Variants in DNAH17 observed in about 807,000 individuals in gnomAD.
DNAH17 encodes the protein axonemal beta dynein heavy chain 17.
Under a neutral mutation model 485.6 loss-of-function variants are expected in DNAH17, and 376 were observed. The observed-to-expected ratio is 0.77, with a 90% CI of 0.71 to 0.84. DNAH17 has a LOEUF of 0.84. Among genes scored for constraint, DNAH17 ranks in the 40% least tolerant of loss-of-function variants. The probability of loss-of-function intolerance (pLI) is 0.00; values close to 1 mark genes in which losing one functional copy is unlikely to be tolerated. For synonymous variants in DNAH17, 3,031 were observed against 2,405.9 expected, an observed-to-expected ratio of 1.26 and a Z score of -7.60; for missense variants, 6,370 against 5,839.3, an observed-to-expected ratio of 1.09 and a Z score of -2.96.
chr17:78,501,648 A>G (rs996905188), intron 34 of DNAH17, 94 bp downstream of exon 34: 7 of 1,498,192 alleles, frequency 4.7e-6, no homozygotes, highest in Middle Eastern at 2.1e-4. Context: ...CCCCAGGAAG[A>G]GGAAGTGGCA....
intron 13 of DNAH17, 21 bp downstream of exon 13, chr17:78,560,719 G>A (rs765312248): frequency 1.3e-6 from 2 of 1,535,850 alleles, no homozygotes; most frequent in Non-Finnish European, 1.8e-6. Context: ...CTTTGACGCG[G>A]TCCCCACTCC....
In DNAH17 at chr17:78,505,335, G is replaced by A. The variant is rs776512644; in HGVS notation, c.4914C>T (p.Asp1638=). The change falls in exon 31 of 81, where the codon GAC becomes GAT. Residue 1638 remains aspartate (D), a synonymous_variant. Transcript: ENST00000389840. ...ATTCCTGATCAAAAACCATGTACTC[G>A]TCCTCCTTGCTGTACATTCCCAGGC... The part of the protein sequence containing the change: ...KVGLGMYSKE[D]EYMVFDQECD... 22 of 1,613,838 alleles carry A rather than the reference G, an allele frequency of 1.4e-5. No individual in the cohort carries two copies. In the East Asian group the frequency reaches 1.8e-4, roughly 13 times the overall value.
chr17:78,476,679 G>A lies in DNAH17; in HGVS notation c.8047C>T (p.Leu2683Phe). 1 of 1,613,106 alleles carries A rather than the reference G, an allele frequency of 6.2e-7. No homozygotes were observed. Among genetic ancestry groups the A allele is most frequent in the Non-Finnish European group, 8.5e-7 (1 of 1,179,536 alleles). Residue 2683 changes from leucine (L) to phenylalanine (F), a missense_variant, in exon 52 of 81, where the codon CTT becomes TTT. Physicochemically the swap from Leu to Phe is conservative, Grantham distance 22. Coordinates refer to ENST00000389840, the MANE Select transcript of DNAH17 (RefSeq NM_173628.4). ...VLKTPLDLVR[L>F]WLHETERVYG... is the part of the protein sequence containing the mutation. ...ACTCGTTCAGTCTCATGTAGCCAAAGGCGGACGAGGTCCAGTGGGGTTTTC... is the reference window on the plus strand; with the variant it reads ...ACTCGTTCAGTCTCATGTAGCCAAAAGCGGACGAGGTCCAGTGGGGTTTTC...
intron 17 of DNAH17, chr17:78,543,655 C>T (rs1466579337): frequency 1.1e-5 from 8 of 730,946 alleles, no homozygotes; most frequent in South Asian, 6.5e-5. Flanking sequence ...GATCTCCTGA[C>T]ATTAGGTGAT....
chr17:78,501,727 C>T lies in DNAH17; in HGVS notation c.5322+15G>A, dbSNP rs552756881. ...CTTGCCCTTCCCCTGGCCCCTGGGA[C>T]AGGGGCGCTCATGCCTTGGCCACGA... is the stretch of plus-strand genomic sequence containing the variant. On this transcript the variant is annotated intron_variant, in intron 34 of 80. Coordinates refer to ENST00000389840, the MANE Select transcript of DNAH17 (RefSeq NM_173628.4). 16 of 1,610,826 alleles carry T rather than the reference C, an allele frequency of 9.9e-6. No individual in the cohort carries two copies. The Admixed American group carries it at 2.5e-4, about 25-fold the overall frequency.
chr17:78,474,913 G>C (rs74001355), intron 54 of DNAH17, among the ~76,000 whole-genome samples: 28,998 of 125,054 alleles, frequency 0.23, 4,144 homozygotes, highest in African/African-American at 0.47. Flanking sequence ...GGTTTCACAC[G>C]CTTCACCTCA....
Position 78,574,909 on chromosome 17 carries a change from T to C in DNAH17, c.149A>G (p.Gln50Arg). Residue 50 changes from glutamine to arginine, a missense_variant, in exon 2 of 81, where the codon CAG becomes CGG. Coordinates refer to ENST00000389840, the MANE Select transcript of DNAH17 (RefSeq NM_173628.4). Reference sequence around the variant, plus strand: ...TGCATTGAGCGTCAGCACCAGCACCTGGACGTCGGGCTTTTCAAAGAACTC... The same window carrying C: ...TGCATTGAGCGTCAGCACCAGCACCCGGACGTCGGGCTTTTCAAAGAACTC... ...FTEFFEKPDVQVLVLTLNAAG... is the reference protein window; with the variant it reads ...FTEFFEKPDVRVLVLTLNAAG... 1 of 1,614,018 alleles carries C rather than the reference T, an allele frequency of 6.2e-7. No individual in the cohort carries two copies. Among genetic ancestry groups the C allele is most frequent in the Non-Finnish European group, 8.5e-7 (1 of 1,179,884 alleles).
intron 13 of DNAH17, 67 bp from the exon 14 acceptor site, chr17:78,558,321 C>T (rs2092073036): frequency 1.9e-6 from 3 of 1,550,682 alleles, no homozygotes; most frequent in Non-Finnish European, 1.7e-6. Context: ...GTTCAAGCAA[C>T]AGAAATGAGC....
rs543037503 is a variant in DNAH17, at chr17:78,456,786, T to G, written c.9978-950A>C. Among the ~76,000 whole-genome samples, 33 of 152,308 alleles carry G rather than the reference T, an allele frequency of 2.2e-4. No homozygotes were observed. The East Asian group carries it at 5.8e-3, about 27-fold the overall frequency. Reference sequence around the variant, plus strand: ...CTAGAGACCATTTCGATTTGGCAGGTGAGGTTAAATCCCTCATACCCGGGG... The same window carrying G: ...CTAGAGACCATTTCGATTTGGCAGGGGAGGTTAAATCCCTCATACCCGGGG... On this transcript the variant is annotated intron_variant, in intron 62 of 80. Transcript: ENST00000389840.
chr17:78,486,965 T>C (rs1411283005), intron 44 of DNAH17, among the ~76,000 whole-genome samples: 1 of 148,436 alleles, frequency 6.7e-6, no homozygotes, highest in Non-Finnish European at 1.5e-5. Context: ...AATCCAGCCA[T>C]GCCTGAAGCA....
At chr17:78,478,194 A>G (rs924030983) in intron 51 of DNAH17, among the ~76,000 whole-genome samples, 4 of 114,336 alleles carry the variant, frequency 3.5e-5, no homozygotes, top group Non-Finnish European at 7.2e-5. Context: ...CATTATCACC[A>G]TCATATCACC....
rs1243723581 is a variant in DNAH17 at position 78,494,829 on chromosome 17, AGTGGGCACAG to A, written c.6043-19_6043-10del. 1.3e-6 allele frequency: 2 copies of A among 1,595,658 alleles called. No homozygotes were observed. The highest frequency in any genetic ancestry group is 3.4e-5 in the Admixed American group (2 of 58,732). ...CCCCAGTCGTAATGATCCTGCGGGC[AGTGGGCACAG>A]GTGGGCAGACGTGAGCTCACCTTCC... On this transcript the variant is annotated splice_polypyrimidine_tract_variant and intron_variant, in intron 39 of 80. Coordinates refer to ENST00000389840, the MANE Select transcript of DNAH17 (RefSeq NM_173628.4).
intron 68 of DNAH17, 39 bp from the exon 69 acceptor site, chr17:78,449,623 G>A (rs1401574401): frequency 9.6e-6 from 15 of 1,562,032 alleles, no homozygotes; most frequent in African/African-American, 1.4e-5. Flanking sequence ...GGCGTGCAGA[G>A]ATGGAGCCCT....
intron 55 of DNAH17, among the ~76,000 whole-genome samples, chr17:78,467,694 G>T (rs1459502101): frequency 3.3e-5 from 5 of 152,136 alleles, no homozygotes; most frequent in African/African-American, 1.2e-4. Flanking sequence ...AGGTCCAAGG[G>T]GTTCTCTGTC....
chr17:78,487,119 G>C (rs897120041), intron 44 of DNAH17, among the ~76,000 whole-genome samples: 4 of 152,060 alleles, frequency 2.6e-5, no homozygotes, highest in African/African-American at 9.7e-5. Flanking sequence ...GACATCTCTG[G>C]GTGGCTCGTG....
intron 65 of DNAH17, among the ~76,000 whole-genome samples, chr17:78,452,559 G>C (rs2087599742): frequency 6.6e-6 from 1 of 152,164 alleles, no homozygotes; most frequent in Non-Finnish European, 1.5e-5. Flanking sequence ...CCAACATGGG[G>C]AAACCCCGTC....
At chr17:78,488,887 G>A (rs1282214183) in intron 44 of DNAH17, among the ~76,000 whole-genome samples, 2 of 152,078 alleles carry the variant, frequency 1.3e-5, no homozygotes, top group Non-Finnish European at 2.9e-5. Context: ...AAGGACCGCC[G>A]AGAGCCCCCA....
intron 69 of DNAH17, 82 bp from the exon 70 acceptor site, chr17:78,445,762 G>C (rs543913428): frequency 6.7e-7 from 1 of 1,489,698 alleles, no homozygotes; most frequent in East Asian, 2.5e-5. Context: ...GACTCGAAGA[G>C]GAGTTCACAC....
intron 11 of DNAH17, among the ~76,000 whole-genome samples, chr17:78,562,344 G>A (rs562836296): frequency 6.6e-6 from 1 of 152,312 alleles, no homozygotes; most frequent in South Asian, 2.1e-4. Flanking sequence ...AACACTTTGA[G>A]GGGCCGAGGC....
Sources: gnomAD v4.1 joint callset for allele counts (sites outside exome capture counted in the v4.1 genomes callset) on GRCh38, gnomAD v4.1.1 for gene constraint, MANE v1.5 for transcripts, NCBI Gene and HGNC (gene_info 2026-07-23, HGNC 2026-07-21) for gene names.